PTPRO: variants seen among roughly 807,000 people sequenced by gnomAD.
PTPRO encodes receptor-type tyrosine-protein phosphatase O.
A neutral mutation model predicts 145.2 loss-of-function variants in PTPRO; 62 were observed. That is an observed-to-expected ratio of 0.43 (90% CI 0.35 to 0.53). PTPRO has a LOEUF of 0.53. PTPRO is among the 20% of genes least tolerant of loss of function. The probability of loss-of-function intolerance (pLI) is 0.01; values close to 1 mark genes in which losing one functional copy is unlikely to be tolerated. For synonymous variants in PTPRO, 565 were observed against 514.7 expected, an observed-to-expected ratio of 1.10 and a Z score of -1.32; for missense variants, 1,345 against 1,482.7, an observed-to-expected ratio of 0.91 and a Z score of 1.53.
intron 15 of PTPRO, among the ~76,000 whole-genome samples, chr12:15,553,255 T>C (rs1943520013): frequency 6.6e-6 from 1 of 151,846 alleles, no homozygotes; most frequent in Non-Finnish European, 1.5e-5. Flanking sequence ...GTGGGAGAAA[T>C]AGACAATAAA....
rs1453808873 is a variant in PTPRO at position 15,596,789 on chromosome 12, A to G, written c.*716A>G. On this transcript the variant is annotated 3_prime_UTR_variant, in exon 27 of 27. Coordinates refer to ENST00000281171, the MANE Select transcript of PTPRO (RefSeq NM_030667.3). The stretch of plus-strand genomic sequence containing the variant: ...GTTCTTGATGGTTTTCTTCCTTATT[A>G]ACAGTTGGTGTTTCTTCCTTGGCCC... 6.6e-6 allele frequency: 1 copy of G among 152,460 alleles called. No homozygotes were observed. The highest frequency in any genetic ancestry group is 2.4e-5 in the African/African-American group (1 of 41,404). The allele number at this position is 152,460 out of a possible 1,614,324, so 9.4% of individuals were successfully genotyped here.
intron 12 of PTPRO, among the ~76,000 whole-genome samples, chr12:15,536,516 A>G (rs2136549190): frequency 6.6e-6 from 1 of 152,322 alleles, no homozygotes; most frequent in African/African-American, 2.4e-5. Flanking sequence ...CCATAGATAC[A>G]GGGCAGAGAG....
rs189839055 is a variant in PTPRO, at chr12:15,481,587, G to C, written c.76-2387G>C. 2.0e-5 allele frequency among the ~76,000 whole-genome samples: 3 copies of C among 152,262 alleles called. No homozygotes were observed. In the South Asian group the frequency reaches 6.2e-4, roughly 32 times the overall value. On this transcript the variant is annotated intron_variant, in intron 1 of 26. Coordinates refer to ENST00000281171, the MANE Select transcript of PTPRO (RefSeq NM_030667.3). ...ATGAAAAGCACTTAGCATATGCCAGGTACTGATCCTAGAGCTGGAAGTGCA... is the reference window on the plus strand; with the variant it reads ...ATGAAAAGCACTTAGCATATGCCAGCTACTGATCCTAGAGCTGGAAGTGCA...
intron 25 of PTPRO, among the ~76,000 whole-genome samples, chr12:15,593,770 A>G (rs1049008024): frequency 6.6e-6 from 1 of 152,130 alleles, no homozygotes; most frequent in African/African-American, 2.4e-5. Flanking sequence ...ACCTCCACAA[A>G]CAATAGGTAA....
intron 2 of PTPRO, among the ~76,000 whole-genome samples, chr12:15,496,156 T>C (rs1000838245): frequency 7.0e-5 from 10 of 142,822 alleles, no homozygotes; most frequent in Admixed American, 6.4e-4. Context: ...TTTTTTTTTT[T>C]TTTTTTTTGA....
chr12:15,484,148 T>G lies in PTPRO; in HGVS notation c.250T>G (p.Phe84Val). Residue 84 changes from phenylalanine to valine, a missense_variant, in exon 2 of 27, where the codon TTC becomes GTC. Coordinates refer to ENST00000281171, the MANE Select transcript of PTPRO (RefSeq NM_030667.3). ...FNSTLPPPVIFKASYHGLYYI... is the reference protein window; with the variant it reads ...FNSTLPPPVIVKASYHGLYYI... Reference sequence around the variant, plus strand: ...CAGCACTTTGCCTCCTCCTGTTATTTTCAAGGCCAGTTATCATGGCCTTTA... The same window carrying G: ...CAGCACTTTGCCTCCTCCTGTTATTGTCAAGGCCAGTTATCATGGCCTTTA... The G allele has an allele frequency of 6.2e-7, 1 of 1,613,822 alleles. No individual in the cohort carries two copies. The highest frequency in any genetic ancestry group is 8.5e-7 in the Non-Finnish European group (1 of 1,179,802).
At chr12:15,546,349 G>C (rs967986675) in intron 12 of PTPRO, 1 of 1,388,854 alleles carries the variant, frequency 7.2e-7, no homozygotes, top group Non-Finnish European at 9.3e-7. Flanking sequence ...GTTCTGAAAA[G>C]AGAAGTAAAA....
chr12:15,531,395 A>C (rs1341977194), intron 12 of PTPRO, among the ~76,000 whole-genome samples: 1 of 152,200 alleles, frequency 6.6e-6, no homozygotes, highest in African/African-American at 2.4e-5. Context: ...GCTGTGGATA[A>C]GGAAAAACAG....
chr12:15,532,409 C>T (rs1209952204), intron 12 of PTPRO, among the ~76,000 whole-genome samples: 1 of 152,154 alleles, frequency 6.6e-6, no homozygotes, highest in African/African-American at 2.4e-5. Flanking sequence ...TCTGGTATGA[C>T]ATTTGAAAGT....
At chr12:15,559,681 C>T (rs1287191193) in intron 16 of PTPRO, among the ~76,000 whole-genome samples, 1 of 152,124 alleles carries the variant, frequency 6.6e-6, no homozygotes, top group Non-Finnish European at 1.5e-5. Flanking sequence ...CAGAAAGTCA[C>T]ACCTAGTAGT....
rs569668940 is a variant in PTPRO, at chr12:15,407,467, T to A, written c.76-76507T>A. ...CTTCAAAATATTAGTCTTGGGGCAA[T>A]TCTGGGTACTGTGAGAGAAACAGAA... On this transcript the variant is annotated intron_variant, in intron 1 of 26. Coordinates refer to ENST00000281171, the MANE Select transcript of PTPRO (RefSeq NM_030667.3). 3.3e-5 allele frequency among the ~76,000 whole-genome samples: 5 copies of A among 152,308 alleles called. No individual in the cohort carries two copies. In the South Asian group the frequency reaches 1.0e-3, roughly 32 times the overall value.
chr12:15,519,124 CA>C (rs1942659226), intron 9 of PTPRO, among the ~76,000 whole-genome samples: 1 of 152,216 alleles, frequency 6.6e-6, no homozygotes, highest in Non-Finnish European at 1.5e-5. Context: ...GGAAGCCCCA[CA>C]ATCATGGCGG....
At chr12:15,381,679 C>T (rs1307378272) in intron 1 of PTPRO, among the ~76,000 whole-genome samples, 1 of 152,086 alleles carries the variant, frequency 6.6e-6, no homozygotes, top group Non-Finnish European at 1.5e-5. Context: ...GTGTTTTCTC[C>T]CTTTCGCAGC....
intron 1 of PTPRO, among the ~76,000 whole-genome samples, chr12:15,471,454 C>T (rs1941539907): frequency 6.6e-6 from 1 of 152,102 alleles, no homozygotes; most frequent in East Asian, 1.9e-4. Context: ...TGAAAGGATA[C>T]ATTTAGGATA....
chr12:15,447,287 A>T (rs912248973), intron 1 of PTPRO, among the ~76,000 whole-genome samples: 3 of 152,132 alleles, frequency 2.0e-5, no homozygotes, highest in Admixed American at 6.6e-5. Flanking sequence ...AAGAATATTA[A>T]GCTCCAAAAT....
chr12:15,391,291 T>A (rs1473576749), intron 1 of PTPRO, among the ~76,000 whole-genome samples: 1 of 152,254 alleles, frequency 6.6e-6, no homozygotes, highest in Non-Finnish European at 1.5e-5. Flanking sequence ...CAGTTATTAT[T>A]GGAACAAATT....
intron 1 of PTPRO, among the ~76,000 whole-genome samples, chr12:15,348,084 C>T (rs1157426962): frequency 1.3e-5 from 2 of 152,138 alleles, no homozygotes; most frequent in African/African-American, 4.8e-5. Context: ...ACTGTGGAAG[C>T]TGTAAATGTG....
intron 18 of PTPRO, among the ~76,000 whole-genome samples, chr12:15,568,871 G>A (rs1419643967): frequency 6.6e-6 from 1 of 152,132 alleles, no homozygotes; most frequent in Non-Finnish European, 1.5e-5. Flanking sequence ...TCTGCTTTGG[G>A]GAGACTGTAG....
In PTPRO at chr12:15,550,733, G is replaced by GATGCA. The variant is rs1339137028; in HGVS notation, c.2438-817_2438-813dup. Among the ~76,000 whole-genome samples, 18 of 152,320 alleles carry GATGCA rather than the reference G, an allele frequency of 1.2e-4. No homozygotes were observed. The South Asian group carries it at 3.7e-3, about 32-fold the overall frequency. On this transcript the variant is annotated intron_variant, in intron 14 of 26. Transcript: ENST00000281171. The stretch of plus-strand genomic sequence containing the variant: ...TAAATACCCAGAACCTTAGGGATCA[G>GATGCA]ATGCACCTGCTCATTCTGTGACTTT...
Sources: gnomAD v4.1 joint callset for allele counts (sites outside exome capture counted in the v4.1 genomes callset) on GRCh38, gnomAD v4.1.1 for gene constraint, MANE v1.5 for transcripts, NCBI Gene and HGNC (gene_info 2026-07-23, HGNC 2026-07-21) for gene names.